The following MAP3K7 variants were observed in gnomAD, a reference collection of about 807,000 sequenced individuals.
MAP3K7 encodes the protein TGF-beta activated kinase 1.
MAP3K7 carries 21 observed loss-of-function variants against 84.8 expected under a neutral mutation model. That is an observed-to-expected ratio of 0.25 (90% CI 0.18 to 0.36). The LOEUF (loss-of-function observed/expected upper bound fraction) is 0.36. Among genes scored for constraint, MAP3K7 ranks in the 10% least tolerant of loss-of-function variants. The pLI is 1.00. For missense variants in MAP3K7, 503 were observed against 747.7 expected (o/e 0.67, Z 3.82); for synonymous variants, 241 against 247.7 (o/e 0.97, Z 0.25).
At chr6:90,574,988 T>C (rs778592042) in intron 1 of MAP3K7, among the ~76,000 whole-genome samples, 20 of 151,996 alleles carry the variant, frequency 1.3e-4, no homozygotes, top group Non-Finnish European at 2.8e-4. Flanking sequence ...TCTAAAGTTA[T>C]AATAAAGAAA....
At chr6:90,558,607 T>TATCTACAAATG (rs1776410547) in intron 5 of MAP3K7, among the ~76,000 whole-genome samples, 1 of 152,156 alleles carries the variant, frequency 6.6e-6, no homozygotes, top group Non-Finnish European at 1.5e-5. Flanking sequence ...GGAGAATCTC[T>TATCTACAAATG]ATCTACAAAT....
At chr6:90,580,718 C>T (rs1271777797) in intron 1 of MAP3K7, among the ~76,000 whole-genome samples, 1 of 152,210 alleles carries the variant, frequency 6.6e-6, no homozygotes, top group Admixed American at 6.5e-5. Flanking sequence ...CCATCACACA[C>T]ATCCAACTAA....
At chr6:90,559,562 A>T (rs952943699) in intron 5 of MAP3K7, among the ~76,000 whole-genome samples, 1 of 152,242 alleles carries the variant, frequency 6.6e-6, no homozygotes, top group Non-Finnish European at 1.5e-5. Context: ...TAAGGAATTT[A>T]TAAGTTTTTT....
intron 1 of MAP3K7, among the ~76,000 whole-genome samples, chr6:90,580,157 A>G (rs1482345582): frequency 1.3e-5 from 2 of 152,256 alleles, no homozygotes; most frequent in South Asian, 4.1e-4. Context: ...GGCCAAGCCT[A>G]AAAACACATA....
chr6:90,556,773 C>T, intron 5 of MAP3K7, 149 bp from the exon 6 acceptor site: 3 of 741,540 alleles, frequency 4.0e-6, no homozygotes, highest in Non-Finnish European at 6.2e-6. Context: ...TACTTGGTCA[C>T]TATAAAAGCC....
chr6:90,551,537 T>C (rs1776178658), intron 8 of MAP3K7: 1 of 152,188 alleles, frequency 6.6e-6, no homozygotes, highest in South Asian at 2.1e-4. Flanking sequence ...AACTTTTTAC[T>C]GGGATATAAA....
chr6:90,571,362 T>C (rs960276893), intron 2 of MAP3K7, among the ~76,000 whole-genome samples: 3 of 152,162 alleles, frequency 2.0e-5, no homozygotes, highest in African/African-American at 4.8e-5. Flanking sequence ...GTATAAAATT[T>C]CTTAATTTTA....
At chr6:90,582,017 T>C (rs752181330) in intron 1 of MAP3K7, among the ~76,000 whole-genome samples, 2 of 152,240 alleles carry the variant, frequency 1.3e-5, no homozygotes, top group Non-Finnish European at 2.9e-5. Context: ...ATGTGTCCAA[T>C]ACTATAGCTT....
At chr6:90,556,659 C>T in intron 5 of MAP3K7, 35 bp from the exon 6 acceptor site, 3 of 1,562,624 alleles carry the variant, frequency 1.9e-6, no homozygotes, top group Non-Finnish European at 2.6e-6. Flanking sequence ...TCAAAAGTTA[C>T]AAGGCCAACA....
chr6:90,579,998 G>T (rs1347796886), intron 1 of MAP3K7, among the ~76,000 whole-genome samples: 1 of 152,156 alleles, frequency 6.6e-6, no homozygotes, highest in Non-Finnish European at 1.5e-5. Context: ...TCTTACATGT[G>T]TATAGATTTT....
At chr6:90,576,851 G>T (rs537679026) in intron 1 of MAP3K7, among the ~76,000 whole-genome samples, 68 of 152,278 alleles carry the variant, frequency 4.5e-4, no homozygotes, top group African/African-American at 1.5e-3. Context: ...TGGAGGAAGG[G>T]AAGAGTGATT....
At chr6:90,556,092 T>C (rs1273681638) in intron 6 of MAP3K7, among the ~76,000 whole-genome samples, 1 of 152,222 alleles carries the variant, frequency 6.6e-6, no homozygotes, top group Non-Finnish European at 1.5e-5. Context: ...AAACGTTGTC[T>C]TGTTCAACCT....
chr6:90,535,912 T>C (rs915596736), intron 13 of MAP3K7, among the ~76,000 whole-genome samples: 2 of 152,192 alleles, frequency 1.3e-5, no homozygotes, highest in Non-Finnish European at 2.9e-5. Flanking sequence ...GAGTTCTCCA[T>C]GTAATGCCCT....
intron 2 of MAP3K7, 74 bp downstream of exon 2, chr6:90,571,623 T>A: frequency 1.2e-6 from 1 of 859,604 alleles, no homozygotes; most frequent in Non-Finnish European, 1.7e-6. Context: ...GAGAAACCAA[T>A]CTTTTTCATA....
chr6:90,535,603 G>GT (rs1775646063), intron 13 of MAP3K7, among the ~76,000 whole-genome samples: 1 of 151,988 alleles, frequency 6.6e-6, no homozygotes, highest in Non-Finnish European at 1.5e-5. Flanking sequence ...TATGTCAAGT[G>GT]TATTAATCTG....
chr6:90,526,754 C>T (rs746917426), intron 13 of MAP3K7, among the ~76,000 whole-genome samples: 8 of 152,000 alleles, frequency 5.3e-5, no homozygotes, highest in Admixed American at 1.3e-4. Flanking sequence ...TCAAAAATTC[C>T]TATACATTAT....
chr6:90,544,201 A>G (rs1156656838), intron 12 of MAP3K7, among the ~76,000 whole-genome samples: 6 of 152,180 alleles, frequency 3.9e-5, no homozygotes, highest in Admixed American at 1.3e-4. Flanking sequence ...GAAAATAACA[A>G]ATTTTAATTA....
intron 12 of MAP3K7, 143 bp from the exon 13 acceptor site, chr6:90,536,544 C>T (rs1340294726): frequency 1.8e-6 from 1 of 556,504 alleles, no homozygotes; most frequent in Non-Finnish European, 3.2e-6. Context: ...GAGTTTATTG[C>T]TAAGAAAAAA....
intron 13 of MAP3K7, among the ~76,000 whole-genome samples, chr6:90,532,279 T>C (rs1038959909): frequency 2.0e-5 from 3 of 152,198 alleles, no homozygotes; most frequent in African/African-American, 4.8e-5. Context: ...CCAAGTGCTA[T>C]TTTCTTTTTA....
Sources: gnomAD v4.1 joint callset for allele counts (sites outside exome capture counted in the v4.1 genomes callset) on GRCh38, gnomAD v4.1.1 for gene constraint, MANE v1.5 for transcripts, NCBI Gene and HGNC (gene_info 2026-07-23, HGNC 2026-07-21) for gene names.